Variants in DNAH2 observed in about 807,000 individuals in gnomAD.
DNAH2 encodes the protein axonemal beta dynein heavy chain 2.
In DNAH2, 323 loss-of-function variants were observed where a neutral mutation model predicts 523.5. The observed-to-expected ratio is 0.62, with a 90% confidence interval of 0.56 to 0.68. DNAH2 has a LOEUF of 0.68. DNAH2 is among the 30% of genes least tolerant of loss of function. The pLI is 0.00. For missense variants in DNAH2, 4,907 were observed against 5,701.5 expected (o/e 0.86, Z 4.49); for synonymous variants, 2,093 against 2,177.4 (o/e 0.96, Z 1.08).
intron 50 of DNAH2, 32 bp from the exon 51 acceptor site, chr17:7,797,144 T>A: frequency 6.7e-7 from 1 of 1,490,514 alleles, no homozygotes; most frequent in Non-Finnish European, 9.3e-7. Flanking sequence ...ATCTTTTTGC[T>A]CCCTGGTCCC....
At position 7,793,437 on chromosome 17, in the gene DNAH2, CTTTCTTTCTT is replaced by C. The variant is rs1162187616; in HGVS notation, c.7569+244_7569+253del. Among the ~76,000 whole-genome samples the C allele has an allele frequency of 5.0e-3, 366 of 72,988 alleles. 8 individuals are homozygous for C. Among genetic ancestry groups the C allele is most frequent in the Middle Eastern group, 0.014 (2 of 142 alleles). 47.9% of individuals were successfully genotyped at this position (72,988 alleles called of 152,430 possible). A position where few individuals can be genotyped will look rare whatever the true frequency, so the allele number is the denominator to read the frequency against. On this transcript the variant is annotated intron_variant, in intron 48 of 85. Coordinates refer to ENST00000572933, the MANE Select transcript of DNAH2 (RefSeq NM_020877.5). ...CATATTGTTTGCCTGCTTGCTTTTT[CTTTCTTTCTT>C]TTTCTTTCTTTCTTTCTTTCTTTCT... is the stretch of plus-strand genomic sequence containing the variant.
In DNAH2 at chr17:7,778,405, TG is replaced by T; in HGVS notation, c.5479del (p.Val1827SerfsTer67). On this transcript the variant is annotated frameshift_variant, in exon 35 of 86. Coordinates refer to ENST00000572933, the MANE Select transcript of DNAH2 (RefSeq NM_020877.5). LOFTEE classifies it high-confidence loss of function. ...AAGGCCCTGGGCATATATGTCATTG[TG>T]GTCAACTGCTCTGAGGGCCTGGACT... is the stretch of plus-strand genomic sequence containing the variant. ...LGKALGIYVIVVNCSEGLDYK... is the reference protein window; with the variant it reads ...LGKALGIYVIXVNCSEGLDYK... The T allele has an allele frequency of 6.2e-7, 1 of 1,614,230 alleles. No individual in the cohort carries two copies. The highest frequency in any genetic ancestry group is 8.5e-7 in the Non-Finnish European group (1 of 1,180,042).
rs192287653 is a variant in DNAH2 at position 7,832,383 on chromosome 17, G to A, written c.12727-196G>A. Among the ~76,000 whole-genome samples the A allele has an allele frequency of 3.3e-5, 5 of 152,246 alleles. No individual in the cohort carries two copies. Among genetic ancestry groups the A allele is most frequent in the Admixed American group, 1.3e-4 (2 of 15,290 alleles). Reference sequence around the variant, plus strand: ...AAATTAGCCGGGCGTGATGGTGGGCGCCTGTAATCCCAGCTACTTGGGAGG... The same window carrying A: ...AAATTAGCCGGGCGTGATGGTGGGCACCTGTAATCCCAGCTACTTGGGAGG... On this transcript the variant is annotated intron_variant, in intron 82 of 85. Coordinates refer to ENST00000572933, the MANE Select transcript of DNAH2 (RefSeq NM_020877.5). The surrounding 1 kb of genome is among the most constrained non-coding windows in gnomAD (Gnocchi z 4.3).
intron 39 of DNAH2, among the ~76,000 whole-genome samples, chr17:7,785,094 ATTTT>A (rs33990598): frequency 1.5e-5 from 2 of 134,810 alleles, no homozygotes; most frequent in African/African-American, 2.7e-5. Flanking sequence ...AAATTAGAGA[ATTTT>A]TTTTTTTTTT....
chr17:7,755,999 G>T (rs2075824805), intron 12 of DNAH2, among the ~76,000 whole-genome samples: 1 of 151,978 alleles, frequency 6.6e-6, no homozygotes, highest in Admixed American at 6.6e-5. Context: ...CACTTTGGGT[G>T]CTGGGTGAGG....
chr17:7,792,181 T>C, intron 45 of DNAH2, 71 bp from the exon 46 acceptor site: 1 of 1,601,852 alleles, frequency 6.2e-7, no homozygotes. Context: ...CCCGGTGGTC[T>C]GGGGCCCGTT....
rs553060809 is a variant in DNAH2, at chr17:7,771,908, C to A, written c.4501+440C>A. Among the ~76,000 whole-genome samples, 683 of 151,990 alleles carry A rather than the reference C, an allele frequency of 4.5e-3. 4 individuals are homozygous for A. Among genetic ancestry groups the A allele is most frequent in the Non-Finnish European group, 7.5e-3 (513 of 67,984 alleles). On this transcript the variant is annotated intron_variant, in intron 28 of 85. Coordinates refer to ENST00000572933, the MANE Select transcript of DNAH2 (RefSeq NM_020877.5). ...ATTTTTTTATTTTTAGTAGAGATGG[C>A]GTTTCACCAAGTTGGCCAGGCTGCC...
In DNAH2 at chr17:7,823,867, G is replaced by A. The variant is rs61745240; in HGVS notation, c.11363G>A (p.Arg3788Gln). ...EWENACNEMQRMLIVRSLRQD... is the reference protein window; with the variant it reads ...EWENACNEMQQMLIVRSLRQD... ...GAAAATGCCTGCAATGAAATGCAAC[G>A]GATGCTGATCGTTCGCTCCCTGCGC... is the stretch of plus-strand genomic sequence containing the variant. The change falls in exon 75 of 86, where the codon CGG becomes CAG. Residue 3788 changes from arginine (R) to glutamine (Q), a missense_variant. This residue lies in a region of DNAH2 where 1,851 missense variants were observed against 2,139.4 expected (regional missense o/e 0.87). Coordinates refer to ENST00000572933, the MANE Select transcript of DNAH2 (RefSeq NM_020877.5). 1.4e-5 allele frequency: 23 copies of A among 1,614,020 alleles called. No homozygotes were observed. Among genetic ancestry groups the A allele is most frequent in the African/African-American group, 1.1e-4 (8 of 74,914 alleles).
chr17:7,805,238 C>G lies in DNAH2; in HGVS notation c.9301-14C>G. 6.2e-7 allele frequency: 1 copy of G among 1,613,864 alleles called. No homozygotes were observed. Among genetic ancestry groups the G allele is most frequent in the Non-Finnish European group, 8.5e-7 (1 of 1,179,834 alleles). The stretch of plus-strand genomic sequence containing the variant: ...GGTCCTGTCTTACCCTCACTTTATC[C>G]CCTTTTCCCCCAGGCCCTGGAGTCT... On this transcript the variant is annotated splice_polypyrimidine_tract_variant and intron_variant, in intron 60 of 85. Coordinates refer to ENST00000572933, the MANE Select transcript of DNAH2 (RefSeq NM_020877.5).
intron 15 of DNAH2, 28 bp downstream of exon 15, chr17:7,759,152 G>A (rs201963623): frequency 6.8e-6 from 11 of 1,610,526 alleles, no homozygotes; most frequent in Middle Eastern, 3.6e-4. Context: ...AGGATGTTGT[G>A]GTTGGAAAAA....
intron 2 of DNAH2, among the ~76,000 whole-genome samples, chr17:7,722,817 C>T (rs2074658701): frequency 6.6e-6 from 1 of 152,228 alleles, no homozygotes; most frequent in East Asian, 1.9e-4. Flanking sequence ...CCACCTTTTG[C>T]CTATTGTGAA....
In DNAH2 at chr17:7,832,860, G is replaced by A. The variant is rs751795451; in HGVS notation, c.12910G>A (p.Val4304Met). The A allele has an allele frequency of 5.4e-5, 87 of 1,614,096 alleles. No individual in the cohort carries two copies. The highest frequency in any genetic ancestry group is 4.3e-4 in the South Asian group (39 of 91,094). Residue 4304 changes from valine to methionine, a missense_variant, in exon 84 of 86, where the codon GTG becomes ATG. Val to Met is a conservative substitution (Grantham distance 21). Coordinates refer to ENST00000572933, the MANE Select transcript of DNAH2 (RefSeq NM_020877.5). This position sits in a 1 kb window ranked among gnomAD's most constrained non-coding sequence, Gnocchi z 4.3. ...TCTCACCTTCAACCCCCAGGTTTCA[G>A]TGGACAGCCTCTCCTGGGAGTTTAT... ...QSSARQNNVS[V>M]DSLSWEFIVS...
intron 8 of DNAH2, chr17:7,737,941 G>C (rs1020244839): frequency 2.3e-5 from 16 of 702,142 alleles, no homozygotes; most frequent in Admixed American, 1.8e-4. Flanking sequence ...GGGGACAGAG[G>C]CTGTGGGGAC....
intron 17 of DNAH2, 49 bp downstream of exon 17, chr17:7,759,987 C>G: frequency 6.2e-7 from 1 of 1,612,824 alleles, no homozygotes; most frequent in Non-Finnish European, 8.5e-7. Context: ...CAGAGGCTGT[C>G]GAGTGGGCCA....
chr17:7,831,437 C>T lies in DNAH2; in HGVS notation c.12507C>T (p.Ile4169=), dbSNP rs985395285. Residue 4169 remains isoleucine (I), a synonymous_variant, in exon 81 of 86, where the codon ATC becomes ATT. Transcript: ENST00000572933. This position sits in a 1 kb window ranked among gnomAD's most constrained non-coding sequence, Gnocchi z 4.2. ...ADVKQKIPEM[I]DYEGTQKLLA... ...TGAAGCAGAAGATCCCTGAAATGAT[C>T]GACTATGAGGGGACTCAAAAACTGC... 3 of 1,614,088 alleles carry T rather than the reference C, an allele frequency of 1.9e-6. No homozygotes were observed. The highest frequency in any genetic ancestry group is 2.2e-5 in the East Asian group (1 of 44,886).
At chr17:7,761,287 C>G (rs933229240) in intron 18 of DNAH2, among the ~76,000 whole-genome samples, 2 of 152,112 alleles carry the variant, frequency 1.3e-5, no homozygotes, top group Non-Finnish European at 2.9e-5. Context: ...TTGTTTGAGA[C>G]AGGATCTTGC....
At chr17:7,744,396 C>T (rs1175715594) in intron 12 of DNAH2, among the ~76,000 whole-genome samples, 1 of 151,378 alleles carries the variant, frequency 6.6e-6, no homozygotes, top group Non-Finnish European at 1.5e-5. Flanking sequence ...ACAGATGAGA[C>T]TGTGAGTGTT....
rs1324898764 is a variant in DNAH2 at position 7,819,334 on chromosome 17, C to G, written c.10941C>G (p.Asp3647Glu). The change falls in exon 72 of 86, where the codon GAC becomes GAG. Residue 3647 changes from aspartate to glutamate, a missense_variant. Asp to Glu is a conservative substitution (Grantham distance 45). Around this residue, in one of 3 missense-constraint regions of DNAH2, gnomAD observed 1,851 missense variants for 2,139.4 expected, o/e 0.87. Transcript: ENST00000572933. ...TCAGCCTCTTTATTCTCAGCATTGA[C>G]AAAAGCCACCGCAGCAATAAGCTGG... ...AYISLFILSIDKSHRSNKLED... is the reference protein window; with the variant it reads ...AYISLFILSIEKSHRSNKLED... 3 of 1,614,124 alleles carry G rather than the reference C, an allele frequency of 1.9e-6. No homozygotes were observed. The highest frequency in any genetic ancestry group is 2.5e-6 in the Non-Finnish European group (3 of 1,180,054).
chr17:7,792,281 C>T lies in DNAH2; in HGVS notation c.7083C>T (p.Pro2361=). Residue 2361 remains proline (P), a synonymous_variant, in exon 46 of 86, where the codon CCC becomes CCT. Coordinates refer to ENST00000572933, the MANE Select transcript of DNAH2 (RefSeq NM_020877.5). ...CGGTATATGAGTATTTTGTGGACCC[C>T]AAAATACGGAGTTGGACATCATTTG... ...KDTVYEYFVD[P]KIRSWTSFED... The T allele has an allele frequency of 6.2e-7, 1 of 1,614,006 alleles. No homozygotes were observed. The highest frequency in any genetic ancestry group is 8.5e-7 in the Non-Finnish European group (1 of 1,179,990).
Sources: allele counts gnomAD v4.1 joint callset (sites outside exome capture counted in the v4.1 genomes callset), GRCh38; gene constraint gnomAD v4.1.1; regional missense constraint gnomAD v4.1.1; non-coding constraint Gnocchi (gnomAD v3.1); transcripts MANE v1.5; gene names NCBI Gene and HGNC (gene_info 2026-07-23, HGNC 2026-07-21).